DST: variants seen among roughly 807,000 people sequenced by gnomAD.
The protein encoded by DST is bullous pemphigoid antigen.
DST carries 253 observed loss-of-function variants against 875.2 expected under a neutral mutation model. That is an observed-to-expected ratio of 0.29 (90% CI 0.26 to 0.32). DST has a LOEUF of 0.32. Among genes scored for constraint, DST ranks in the 10% least tolerant of loss-of-function variants. The pLI, the probability that DST is intolerant of heterozygous loss-of-function variation, is 1.00. For synonymous variants in DST, 3,124 were observed against 3,197.1 expected, an observed-to-expected ratio of 0.98 and a Z score of 0.77; for missense variants, 8,287 against 9,111.6, an observed-to-expected ratio of 0.91 and a Z score of 3.68.
In DST at chr6:56,618,606, A is replaced by G. The variant is rs79225819; in HGVS notation, c.4930-4122T>C. ...TGCCCTTGCTGCATTTGTTCACGAT[A>G]CTGTTGAAGCTGTCTTTCAAGTTCT... On this transcript the variant is annotated intron_variant, in intron 36 of 103. Transcript: ENST00000680361. The G allele has an allele frequency of 1.2e-3, 1,874 of 1,614,096 alleles. 17 individuals are homozygous for G. In the African/African-American group the frequency reaches 0.022, roughly 19 times the overall value.
Position 56,517,315 on chromosome 6 carries a change from A to G in DST, c.18250-10T>C, listed in dbSNP as rs1017727002. On this transcript the variant is annotated splice_polypyrimidine_tract_variant and intron_variant, in intron 70 of 103. Transcript: ENST00000680361. The stretch of plus-strand genomic sequence containing the variant: ...TCTCCATGGTGAATGTCTGTGATTT[A>G]CCAAAATAAAGACAAAAAATAAAAC... 2 of 1,604,540 alleles carry G rather than the reference A, an allele frequency of 1.2e-6. No individual in the cohort carries two copies. Among genetic ancestry groups the G allele is most frequent in the East Asian group, 2.2e-5 (1 of 44,834 alleles).
At position 56,644,806 on chromosome 6, in the gene DST, G is replaced by T. The variant is rs148637267; in HGVS notation, c.1778+1060C>A. 5.3e-3 allele frequency among the ~76,000 whole-genome samples: 801 copies of T among 152,268 alleles called. 6 individuals are homozygous for T. The highest frequency in any genetic ancestry group is 0.018 in the African/African-American group (757 of 41,542). On this transcript the variant is annotated intron_variant, in intron 15 of 103. Transcript: ENST00000680361. ...TGGAGAGGTGTGTCTGGCCACACAG[G>T]CCTTACCCTGTAATATGGTTTGCCT...
At chr6:56,919,101 T>C (rs1802794845) in intron 2 of DST, among the ~76,000 whole-genome samples, 1 of 152,244 alleles carries the variant, frequency 6.6e-6, no homozygotes, top group Middle Eastern at 3.4e-3. Context: ...AAGTTTTTTA[T>C]ATAATATGAA....
chr6:56,699,717 T>A lies in DST; in HGVS notation c.983A>T (p.Asp328Val). 3.3e-6 allele frequency: 5 copies of A among 1,520,838 alleles called. No homozygotes were observed. The highest frequency in any genetic ancestry group is 4.4e-6 in the Non-Finnish European group (5 of 1,133,994). The allele number at this position is 1,520,838 out of a possible 1,614,324, so 94.2% of individuals were successfully genotyped here. A position where few individuals can be genotyped will look rare whatever the true frequency, so the allele number is the denominator to read the frequency against. ...CAATTTGGGATTTCCATCTGTTATG[T>A]CATCATTTCTAATATTCACTAATTT... is the stretch of plus-strand genomic sequence containing the variant. ...QVKLVNIRND[D>V]ITDGNPKLTL... Residue 328 changes from aspartate to valine, a missense_variant, in exon 9 of 104, where the codon GAC becomes GTC. Around this residue, in one of 10 missense-constraint regions of DST, gnomAD observed 1,160 missense variants for 1,424.3 expected, o/e 0.81. Transcript: ENST00000680361.
intron 2 of DST, among the ~76,000 whole-genome samples, chr6:56,945,150 A>T (rs2127798716): frequency 6.6e-6 from 1 of 152,352 alleles, no homozygotes; most frequent in African/African-American, 2.4e-5. Context: ...TGGGTTTTCT[A>T]TTACTTAAAT....
At chr6:56,493,759 A>G (rs1219741634) in intron 83 of DST, among the ~76,000 whole-genome samples, 6 of 152,166 alleles carry the variant, frequency 3.9e-5, no homozygotes, top group Admixed American at 2.6e-4. Flanking sequence ...ACATTTAAAA[A>G]TATAACTAAG....
At position 56,628,062 on chromosome 6, in the gene DST, T is replaced by A. The variant is rs1476149807; in HGVS notation, c.4575A>T (p.Arg1525Ser). The change falls in exon 33 of 104, where the codon AGA becomes AGT. Residue 1525 changes from arginine to serine, a missense_variant. Arg to Ser is a moderately radical substitution (Grantham distance 110, BLOSUM62 -1). This residue lies in a region of DST where 3,138 missense variants were observed against 3,116.6 expected (regional missense o/e 1.01). Coordinates refer to ENST00000680361, the MANE Select transcript of DST (RefSeq NM_001374736.1). ...TTTCAGGCTGATTTTCCTGAATCTT[T>A]CTCTGAGTAGTTTCAACCTGCTGGA... is the stretch of plus-strand genomic sequence containing the variant. ...DWIQQVETTQRKIQENQPENS... is the reference protein window; with the variant it reads ...DWIQQVETTQSKIQENQPENS... The A allele has an allele frequency of 1.2e-6, 2 of 1,613,874 alleles. No individual in the cohort carries two copies. The highest frequency in any genetic ancestry group is 2.2e-5 in the South Asian group (2 of 91,082).
chr6:56,863,771 G>A (rs1772543400), intron 3 of DST: 1 of 152,152 alleles, frequency 6.6e-6, no homozygotes, highest in South Asian at 2.1e-4. Flanking sequence ...CAAAAAACAA[G>A]CACACCATAG....
chr6:56,507,096 T>A (rs1386782504), intron 75 of DST, among the ~76,000 whole-genome samples: 1 of 152,202 alleles, frequency 6.6e-6, no homozygotes, highest in Non-Finnish European at 1.5e-5. Flanking sequence ...TAGAAAGACA[T>A]TTTGGTTTCC....
intron 4 of DST, among the ~76,000 whole-genome samples, chr6:56,798,835 G>T (rs913986451): frequency 6.6e-6 from 1 of 152,022 alleles, no homozygotes; most frequent in Non-Finnish European, 1.5e-5. Flanking sequence ...ATATTAACAG[G>T]AGTTTGGAAG....
At chr6:56,462,964 AG>A in intron 102 of DST, 81 bp downstream of exon 102, 1 of 737,024 alleles carries the variant, frequency 1.4e-6, no homozygotes, top group Non-Finnish European at 2.3e-6. Context: ...ACATATATTT[AG>A]GGAGTGGTGC....
intron 5 of DST, among the ~76,000 whole-genome samples, chr6:56,715,453 G>A (rs1763684042): frequency 6.6e-6 from 1 of 152,188 alleles, no homozygotes; most frequent in African/African-American, 2.4e-5. Flanking sequence ...TTGAAGAGAA[G>A]AAATTGGAAG....
intron 4 of DST, among the ~76,000 whole-genome samples, chr6:56,803,074 T>C (rs976325621): frequency 2.6e-5 from 4 of 152,234 alleles, no homozygotes; most frequent in African/African-American, 9.6e-5. Context: ...TTGAGCTAAA[T>C]GCTTTACATA....
chr6:56,735,994 G>A (rs2099522118), intron 4 of DST, among the ~76,000 whole-genome samples: 1 of 152,036 alleles, frequency 6.6e-6, no homozygotes, highest in African/African-American at 2.4e-5. Context: ...GAGTAGCTGG[G>A]ACTACAGGTA....
intron 69 of DST, among the ~76,000 whole-genome samples, chr6:56,520,885 A>G (rs1001415019): frequency 2.6e-5 from 4 of 152,072 alleles, no homozygotes; most frequent in East Asian, 1.9e-4. Context: ...GTGTTTTGCT[A>G]TAACTTCATA....
At chr6:56,883,459 C>A (rs1171915713) in intron 3 of DST, among the ~76,000 whole-genome samples, 1 of 152,114 alleles carries the variant, frequency 6.6e-6, no homozygotes, top group Non-Finnish European at 1.5e-5. Flanking sequence ...AAAAAGAAAT[C>A]AGGAGATGGC....
intron 10 of DST, among the ~76,000 whole-genome samples, chr6:56,663,193 C>T (rs1266668489): frequency 6.6e-6 from 1 of 152,200 alleles, no homozygotes; most frequent in Non-Finnish European, 1.5e-5. Context: ...CTAACTCTTA[C>T]ACCTCACTTG....
In DST at chr6:56,655,210, T is replaced by C. The variant is rs1311538303; in HGVS notation, c.1215-3966A>G. Among the ~76,000 whole-genome samples, 3 of 147,082 alleles carry C rather than the reference T, an allele frequency of 2.0e-5. No individual in the cohort carries two copies. The East Asian group carries it at 5.9e-4, about 29-fold the overall frequency. ...ATTAGCACAACAGACCACTGAAGGC[T>C]TCCACAATATATCATGGCAAACACC... On this transcript the variant is annotated intron_variant, in intron 10 of 103. Transcript: ENST00000680361.
chr6:56,497,696 G>T, intron 81 of DST, 160 bp downstream of exon 81: 2 of 948,138 alleles, frequency 2.1e-6, no homozygotes, highest in Non-Finnish European at 3.1e-6. Context: ...GAACTAGAAA[G>T]CTGTGTTCTC....
Sources: gnomAD v4.1 joint callset for allele counts (sites outside exome capture counted in the v4.1 genomes callset) on GRCh38, gnomAD v4.1.1 for gene constraint, gnomAD v4.1.1 regional missense constraint, MANE v1.5 for transcripts, NCBI Gene and HGNC (gene_info 2026-07-23, HGNC 2026-07-21) for gene names.